Variants in PPTC7 observed in about 807,000 individuals in gnomAD.
The protein encoded by PPTC7 is protein phosphatase targeting COQ7.
Under a neutral mutation model 30.8 loss-of-function variants are expected in PPTC7, and 6 were observed. That is an observed-to-expected ratio of 0.19 (90% CI 0.11 to 0.38). The LOEUF is 0.38. Among genes scored for constraint, PPTC7 ranks in the 10% least tolerant of loss-of-function variants. The probability of loss-of-function intolerance (pLI) is 1.00; values close to 1 mark genes in which losing one functional copy is unlikely to be tolerated. For missense variants in PPTC7, 218 were observed against 404.8 expected, an observed-to-expected ratio of 0.54 and a Z score of 3.96; for synonymous variants, 163 against 168.1, an observed-to-expected ratio of 0.97 and a Z score of 0.23.
chr12:110,538,645 T>C lies in PPTC7; in HGVS notation c.727-372A>G, dbSNP rs187116769. Among the ~76,000 whole-genome samples, 147 of 152,358 alleles carry C rather than the reference T, an allele frequency of 9.6e-4. 1 individual carries two copies. Among genetic ancestry groups the C allele is most frequent in the African/African-American group, 3.4e-3 (142 of 41,590 alleles). ...CAACCCCAGTTTGCTCTCCAAGAGCTACCAGTTGCTCTAGTGAAAATACCT... is the reference window on the plus strand; with the variant it reads ...CAACCCCAGTTTGCTCTCCAAGAGCCACCAGTTGCTCTAGTGAAAATACCT... On this transcript the variant is annotated intron_variant, in intron 4 of 5. Transcript: ENST00000354300.
At chr12:110,562,850 G>A (rs1462139223) in intron 1 of PPTC7, among the ~76,000 whole-genome samples, 4 of 150,726 alleles carry the variant, frequency 2.7e-5, no homozygotes, top group East Asian at 1.9e-4. Flanking sequence ...GGCCAGTCGC[G>A]GTGGCTCATG....
intron 1 of PPTC7, among the ~76,000 whole-genome samples, chr12:110,576,082 A>C (rs1034126423): frequency 1.3e-5 from 2 of 152,114 alleles, no homozygotes; most frequent in Non-Finnish European, 2.9e-5. Context: ...ATGGCTTCCT[A>C]AACCCTGCTA....
At chr12:110,547,330 G>A (rs1285361024) in intron 2 of PPTC7, among the ~76,000 whole-genome samples, 1 of 152,166 alleles carries the variant, frequency 6.6e-6, no homozygotes, top group Non-Finnish European at 1.5e-5. Flanking sequence ...TCCCAGCTCT[G>A]TGATGGGGCA....
intron 1 of PPTC7, among the ~76,000 whole-genome samples, chr12:110,556,480 C>G (rs1255400258): frequency 6.6e-6 from 1 of 152,120 alleles, no homozygotes; most frequent in Admixed American, 6.5e-5. Flanking sequence ...TTAATATGTC[C>G]TCTATTGCAT....
chr12:110,543,297 A>C (rs916821100), intron 3 of PPTC7, among the ~76,000 whole-genome samples: 1 of 152,238 alleles, frequency 6.6e-6, no homozygotes, highest in African/African-American at 2.4e-5. Flanking sequence ...GTGCTGCTGC[A>C]GGGAACCGAC....
At chr12:110,543,415 TAAGGAGA>T (rs2064279083) in intron 3 of PPTC7, among the ~76,000 whole-genome samples, 1 of 148,632 alleles carries the variant, frequency 6.7e-6, no homozygotes, top group African/African-American at 2.5e-5. Flanking sequence ...GACCATTAAC[TAAGGAGA>T]TACATGCAGC....
At chr12:110,575,481 G>A (rs1471992052) in intron 1 of PPTC7, among the ~76,000 whole-genome samples, 1 of 151,720 alleles carries the variant, frequency 6.6e-6, no homozygotes, top group Non-Finnish European at 1.5e-5. Flanking sequence ...TAGTGCTTCT[G>A]GTGTCACACA....
chr12:110,552,048 A>G, intron 1 of PPTC7, 80 bp from the exon 2 acceptor site: 1 of 1,190,630 alleles, frequency 8.4e-7, no homozygotes, highest in Non-Finnish European at 1.2e-6. Context: ...TTCTCCTAAC[A>G]GTTAATTTCA....
intron 2 of PPTC7, among the ~76,000 whole-genome samples, chr12:110,547,026 C>G (rs1030773411): frequency 1.3e-5 from 2 of 152,190 alleles, no homozygotes; most frequent in South Asian, 4.1e-4. Context: ...AAGTAAACAA[C>G]TTTCCTGGAG....
intron 3 of PPTC7, among the ~76,000 whole-genome samples, chr12:110,545,676 G>A (rs1250317117): frequency 6.6e-6 from 1 of 152,138 alleles, no homozygotes; most frequent in Non-Finnish European, 1.5e-5. Context: ...AAATTATTGG[G>A]TATTTATCAG....
At chr12:110,576,283 G>A (rs1046430723) in intron 1 of PPTC7, among the ~76,000 whole-genome samples, 2 of 151,600 alleles carry the variant, frequency 1.3e-5, no homozygotes, top group African/African-American at 4.8e-5. Flanking sequence ...ATAATTATAT[G>A]TATATTAATA....
intron 1 of PPTC7, among the ~76,000 whole-genome samples, chr12:110,576,565 T>C (rs1055564152): frequency 1.6e-4 from 25 of 152,328 alleles, no homozygotes; most frequent in East Asian, 9.6e-4. Context: ...TACTGACACA[T>C]GCTCCAACAT....
intron 2 of PPTC7, among the ~76,000 whole-genome samples, chr12:110,547,564 TAAC>T (rs1466188106): frequency 6.6e-6 from 1 of 152,140 alleles, no homozygotes. Flanking sequence ...AAAGTTTCCT[TAAC>T]AACAACAAAA....
chr12:110,534,259 G>A lies in PPTC7; in HGVS notation c.*2778C>T, dbSNP rs1188342712. ...TAAAAATATTGATTTTTATAATACA[G>A]TATTGCTTTATAAATATAGATGGAA... On this transcript the variant is annotated 3_prime_UTR_variant, in exon 6 of 6. Coordinates refer to ENST00000354300, the MANE Select transcript of PPTC7 (RefSeq NM_139283.2). The A allele has an allele frequency of 2.6e-5, 4 of 152,002 alleles. No individual in the cohort carries two copies. The highest frequency in any genetic ancestry group is 5.9e-5 in the Non-Finnish European group (4 of 68,034). 9.4% of individuals were successfully genotyped at this position (152,002 alleles called of 1,614,324 possible).
chr12:110,548,717 G>A (rs2064329188), intron 2 of PPTC7, among the ~76,000 whole-genome samples: 1 of 152,254 alleles, frequency 6.6e-6, no homozygotes, highest in Non-Finnish European at 1.5e-5. Context: ...ACTCACTGAC[G>A]AAGCCAGGCT....
At chr12:110,566,101 T>C (rs772471623) in intron 1 of PPTC7, among the ~76,000 whole-genome samples, 4 of 152,156 alleles carry the variant, frequency 2.6e-5, no homozygotes, top group Non-Finnish European at 5.9e-5. Context: ...ATTACATTCA[T>C]GCCAGGAACC....
At chr12:110,577,968 C>T (rs2064603335) in intron 1 of PPTC7, among the ~76,000 whole-genome samples, 1 of 152,146 alleles carries the variant, frequency 6.6e-6, no homozygotes, top group African/African-American at 2.4e-5. Context: ...AGGAGACTGA[C>T]TGGTTTTTAA....
Position 110,552,999 on chromosome 12 carries a change from T to C in PPTC7, c.224-1031A>G, listed in dbSNP as rs576962876. Among the ~76,000 whole-genome samples the C allele has an allele frequency of 9.9e-5, 15 of 151,646 alleles. 1 individual carries two copies. In the South Asian group the frequency reaches 3.1e-3, roughly 32 times the overall value. Reference sequence around the variant, plus strand: ...GAGATCGAGACCAGCCTGACCAACATGGTGAAACCCCGTTTCTACTAAAAA... The same window carrying C: ...GAGATCGAGACCAGCCTGACCAACACGGTGAAACCCCGTTTCTACTAAAAA... On this transcript the variant is annotated intron_variant, in intron 1 of 5. Coordinates refer to ENST00000354300, the MANE Select transcript of PPTC7 (RefSeq NM_139283.2).
chr12:110,564,661 T>A (rs1443445586), intron 1 of PPTC7, among the ~76,000 whole-genome samples: 1 of 152,002 alleles, frequency 6.6e-6, no homozygotes, highest in Non-Finnish European at 1.5e-5. Context: ...GGCACAAATG[T>A]AACTTTTTTT....
Sources: gnomAD v4.1 joint callset for allele counts (sites outside exome capture counted in the v4.1 genomes callset) on GRCh38, gnomAD v4.1.1 for gene constraint, MANE v1.5 for transcripts, NCBI Gene and HGNC (gene_info 2026-07-23, HGNC 2026-07-21) for gene names.